Variants in KIRREL3 observed in about 807,000 individuals in gnomAD.
KIRREL3 encodes the protein kin of IRRE-like protein 3.
KIRREL3 carries 36 observed loss-of-function variants against 89.7 expected under a neutral mutation model. The observed-to-expected ratio is 0.40, with a 90% CI of 0.31 to 0.53. KIRREL3 has a LOEUF of 0.53. Among genes scored for constraint, KIRREL3 ranks in the 20% least tolerant of loss-of-function variants. The pLI is 0.49. For synonymous variants in KIRREL3, 445 were observed against 441.4 expected (o/e 1.01, Z -0.10); for missense variants, 864 against 1,056.6 (o/e 0.82, Z 2.53).
chr11:126,857,442 C>T (rs1468079583), intron 1 of KIRREL3, among the ~76,000 whole-genome samples: 1 of 152,212 alleles, frequency 6.6e-6, no homozygotes, highest in Non-Finnish European at 1.5e-5. Flanking sequence ...CTATATGTTA[C>T]ATCCTAGAGC....
At chr11:126,503,964 C>T (rs567254259) in intron 4 of KIRREL3, among the ~76,000 whole-genome samples, 1 of 152,254 alleles carries the variant, frequency 6.6e-6, no homozygotes, top group South Asian at 2.1e-4. Flanking sequence ...TTAAGCCACC[C>T]AGTCTATAGT....
In KIRREL3 at chr11:126,719,347, G is replaced by A. The variant is rs1948085246; in HGVS notation, c.56-156435C>T. Among the ~76,000 whole-genome samples, 1 of 152,102 alleles carries A rather than the reference G, an allele frequency of 6.6e-6. No individual in the cohort carries two copies. The highest frequency in any genetic ancestry group is 2.4e-5 in the African/African-American group (1 of 41,428). ...GCCTCTGGGAGAGCAGTCTCTTACG[G>A]GTCTACTCTTACTCACAGCTACTCC... On this transcript the variant is annotated intron_variant, in intron 1 of 16. Transcript: ENST00000525144. This position sits in a 1 kb window ranked among gnomAD's most constrained non-coding sequence, Gnocchi z 4.7.
Position 126,496,082 on chromosome 11 carries a change from G to A in KIRREL3, c.434-22616C>T, listed in dbSNP as rs1430907231. Among the ~76,000 whole-genome samples, 3 of 152,182 alleles carry A rather than the reference G, an allele frequency of 2.0e-5. No individual in the cohort carries two copies. The highest frequency in any genetic ancestry group is 2.1e-4 in the South Asian group (1 of 4,828). Reference sequence around the variant, plus strand: ...GATTGCAGAGATCCAGAACCATTCAGCTAAGCCAGGCTCAGTTTCTTGACC... The same window carrying A: ...GATTGCAGAGATCCAGAACCATTCAACTAAGCCAGGCTCAGTTTCTTGACC... On this transcript the variant is annotated intron_variant, in intron 4 of 16. Coordinates refer to ENST00000525144, the MANE Select transcript of KIRREL3 (RefSeq NM_032531.4). This position sits in a 1 kb window ranked among gnomAD's most constrained non-coding sequence, Gnocchi z 4.9.
rs1950535974 is a variant in KIRREL3 at position 126,788,151 on chromosome 11, C to A, written c.55+212304G>T. ...TCTAAAATCTGCTAGACATTGTGTG[C>A]AAAAAGAGTGGGTGATGGAGTTGGG... is the stretch of plus-strand genomic sequence containing the variant. On this transcript the variant is annotated intron_variant, in intron 1 of 16. Coordinates refer to ENST00000525144, the MANE Select transcript of KIRREL3 (RefSeq NM_032531.4). This position sits in a 1 kb window ranked among gnomAD's most constrained non-coding sequence, Gnocchi z 4.1. 6.6e-6 allele frequency among the ~76,000 whole-genome samples: 1 copy of A among 152,140 alleles called. No homozygotes were observed. The highest frequency in any genetic ancestry group is 2.4e-5 in the African/African-American group (1 of 41,438).
At chr11:126,502,468 C>T (rs1957892552) in intron 4 of KIRREL3, among the ~76,000 whole-genome samples, 1 of 152,220 alleles carries the variant, frequency 6.6e-6, no homozygotes, top group Non-Finnish European at 1.5e-5. Context: ...TCAATTAAGC[C>T]CTGGTTCACA....
At position 126,747,938 on chromosome 11, in the gene KIRREL3, C is replaced by A. The variant is rs538576298; in HGVS notation, c.56-185026G>T. ...TTCCCTATCCCACAGGGTCTAGATG[C>A]GGCCTTCCCAGGTGACTTTCTGCTC... is the stretch of plus-strand genomic sequence containing the variant. On this transcript the variant is annotated intron_variant, in intron 1 of 16. Transcript: ENST00000525144. This position sits in a 1 kb window ranked among gnomAD's most constrained non-coding sequence, Gnocchi z 4.7. Among the ~76,000 whole-genome samples, 1 of 152,144 alleles carries A rather than the reference C, an allele frequency of 6.6e-6. No individual in the cohort carries two copies. The highest frequency in any genetic ancestry group is 1.5e-5 in the Non-Finnish European group (1 of 68,026).
rs563605575 is a variant in KIRREL3 at position 126,454,389 on chromosome 11, G to A, written c.848+1960C>T. ...CAGGTGACCAGAGCCTGGCAGTGAG[G>A]AGAAACGAAAGTCGAAAGTTGTGTG... On this transcript the variant is annotated intron_variant, in intron 7 of 16. Coordinates refer to ENST00000525144, the MANE Select transcript of KIRREL3 (RefSeq NM_032531.4). This position sits in a 1 kb window ranked among gnomAD's most constrained non-coding sequence, Gnocchi z 5.8. Among the ~76,000 whole-genome samples the A allele has an allele frequency of 3.3e-5, 5 of 152,144 alleles. No individual in the cohort carries two copies. The highest frequency in any genetic ancestry group is 1.2e-4 in the African/African-American group (5 of 41,422).
In KIRREL3 at chr11:126,879,696, A is replaced by G. The variant is rs999019999; in HGVS notation, c.55+120759T>C. Among the ~76,000 whole-genome samples the G allele has an allele frequency of 1.3e-5, 2 of 152,216 alleles. No individual in the cohort carries two copies. Among genetic ancestry groups the G allele is most frequent in the African/African-American group, 4.8e-5 (2 of 41,460 alleles). ...GAGATAGCCTTGATATTTGTGGTTC[A>G]GTCATTTAACCTTTGCACATTTCTG... On this transcript the variant is annotated intron_variant, in intron 1 of 16. Transcript: ENST00000525144. The surrounding 1 kb of genome is among the most constrained non-coding windows in gnomAD (Gnocchi z 5.4).
chr11:126,780,480 A>G lies in KIRREL3; in HGVS notation c.56-217568T>C, dbSNP rs1950295736. The stretch of plus-strand genomic sequence containing the variant: ...GAACATATGCTGGGATCAGAATGAC[A>G]GAGAATAAATCACCAGATTTGCTTG... On this transcript the variant is annotated intron_variant, in intron 1 of 16. Coordinates refer to ENST00000525144, the MANE Select transcript of KIRREL3 (RefSeq NM_032531.4). The surrounding 1 kb of genome is among the most constrained non-coding windows in gnomAD (Gnocchi z 5.3). 6.6e-6 allele frequency among the ~76,000 whole-genome samples: 1 copy of G among 152,246 alleles called. No homozygotes were observed. The highest frequency in any genetic ancestry group is 6.5e-5 in the Admixed American group (1 of 15,290).
In KIRREL3 at chr11:126,508,905, C is replaced by G. The variant is rs1287760187; in HGVS notation, c.433+12410G>C. 6.6e-6 allele frequency among the ~76,000 whole-genome samples: 1 copy of G among 152,152 alleles called. No individual in the cohort carries two copies. Among genetic ancestry groups the G allele is most frequent in the Admixed American group, 6.5e-5 (1 of 15,278 alleles). On this transcript the variant is annotated intron_variant, in intron 4 of 16. Coordinates refer to ENST00000525144, the MANE Select transcript of KIRREL3 (RefSeq NM_032531.4). This position sits in a 1 kb window ranked among gnomAD's most constrained non-coding sequence, Gnocchi z 4.9. ...GCAGCTCACCAGCGTCACCCTTGCCCTTCTCTCTTCTCTCCACTCGAGCAA... is the reference window on the plus strand; with the variant it reads ...GCAGCTCACCAGCGTCACCCTTGCCGTTCTCTCTTCTCTCCACTCGAGCAA...
At chr11:126,500,835 ACT>A (rs1957833999) in intron 4 of KIRREL3, among the ~76,000 whole-genome samples, 1 of 152,090 alleles carries the variant, frequency 6.6e-6, no homozygotes, top group African/African-American at 2.4e-5. Context: ...CATACTCATA[ACT>A]CTGTTAACCA....
At position 126,763,233 on chromosome 11, in the gene KIRREL3, C is replaced by T. The variant is rs1448528730; in HGVS notation, c.56-200321G>A. The stretch of plus-strand genomic sequence containing the variant: ...AGCAAAATGAGGGGGCTAGATGAGA[C>T]GATTTCTGGAACATCTCCCAATGTC... On this transcript the variant is annotated intron_variant, in intron 1 of 16. Transcript: ENST00000525144. The surrounding 1 kb of genome is among the most constrained non-coding windows in gnomAD (Gnocchi z 4.7). Among the ~76,000 whole-genome samples the T allele has an allele frequency of 2.0e-5, 3 of 152,284 alleles. No individual in the cohort carries two copies. Among genetic ancestry groups the T allele is most frequent in the South Asian group, 2.1e-4 (1 of 4,820 alleles).
rs1797772544 is a variant in KIRREL3 at position 126,906,393 on chromosome 11, G to A, written c.55+94062C>T. On this transcript the variant is annotated intron_variant, in intron 1 of 16. Coordinates refer to ENST00000525144, the MANE Select transcript of KIRREL3 (RefSeq NM_032531.4). The surrounding 1 kb of genome is among the most constrained non-coding windows in gnomAD (Gnocchi z 4.1). ...TGGAATGATCAGTCTTATCAAAAGA[G>A]GGAAACTGAGGCTTAAGGAACGGAA... Among the ~76,000 whole-genome samples the A allele has an allele frequency of 6.6e-6, 1 of 152,186 alleles. No homozygotes were observed. The highest frequency in any genetic ancestry group is 2.4e-5 in the African/African-American group (1 of 41,456).
At position 126,430,888 on chromosome 11, in the gene KIRREL3, C is replaced by G. The variant is rs1054324915; in HGVS notation, c.1696+531G>C. On this transcript the variant is annotated intron_variant, in intron 14 of 16. Coordinates refer to ENST00000525144, the MANE Select transcript of KIRREL3 (RefSeq NM_032531.4). The surrounding 1 kb of genome is among the most constrained non-coding windows in gnomAD (Gnocchi z 6.6). ...CGTTATCTCCTCGGTGCACGCAATT[C>G]TTCAAGCGTGCACAAACACTAGAAT... 59 of 776,972 alleles carry G rather than the reference C, an allele frequency of 7.6e-5. No homozygotes were observed. The highest frequency in any genetic ancestry group is 7.3e-4 in the African/African-American group (39 of 53,270). 48.1% of individuals were successfully genotyped at this position (776,972 alleles called of 1,614,324 possible).
rs987608923 is a variant in KIRREL3, at chr11:126,805,925, G to A, written c.55+194530C>T. 2.6e-5 allele frequency among the ~76,000 whole-genome samples: 4 copies of A among 152,112 alleles called. No homozygotes were observed. Among genetic ancestry groups the A allele is most frequent in the Non-Finnish European group, 5.9e-5 (4 of 68,022 alleles). Reference sequence around the variant, plus strand: ...CCATCCCCTCCACCTTCTCCGTGCGGCCTCTCCCTTGGCTGTCCTCTGAAT... The same window carrying A: ...CCATCCCCTCCACCTTCTCCGTGCGACCTCTCCCTTGGCTGTCCTCTGAAT... On this transcript the variant is annotated intron_variant, in intron 1 of 16. Coordinates refer to ENST00000525144, the MANE Select transcript of KIRREL3 (RefSeq NM_032531.4). This position sits in a 1 kb window ranked among gnomAD's most constrained non-coding sequence, Gnocchi z 4.3.
At position 126,776,315 on chromosome 11, in the gene KIRREL3, A is replaced by G. The variant is rs1950167467; in HGVS notation, c.56-213403T>C. ...TTCCGGTGGAGTTTGCTGAAGTGCCATGGAGGGAACACTAGCCTGAGAGTC... is the reference window on the plus strand; with the variant it reads ...TTCCGGTGGAGTTTGCTGAAGTGCCGTGGAGGGAACACTAGCCTGAGAGTC... On this transcript the variant is annotated intron_variant, in intron 1 of 16. Coordinates refer to ENST00000525144, the MANE Select transcript of KIRREL3 (RefSeq NM_032531.4). The surrounding 1 kb of genome is among the most constrained non-coding windows in gnomAD (Gnocchi z 4.7). Among the ~76,000 whole-genome samples the G allele has an allele frequency of 6.6e-6, 1 of 152,184 alleles. No individual in the cohort carries two copies. The highest frequency in any genetic ancestry group is 1.5e-5 in the Non-Finnish European group (1 of 68,036).
chr11:126,646,407 T>C (rs1202007340), intron 1 of KIRREL3, among the ~76,000 whole-genome samples: 1 of 152,160 alleles, frequency 6.6e-6, no homozygotes, highest in African/African-American at 2.4e-5. Flanking sequence ...ATCCAATTGA[T>C]TTAAAACTCT....
In KIRREL3 at chr11:126,985,699, T is replaced by C. The variant is rs544929658; in HGVS notation, c.55+14756A>G. 1.2e-3 allele frequency among the ~76,000 whole-genome samples: 177 copies of C among 152,242 alleles called. No homozygotes were observed. The highest frequency in any genetic ancestry group is 5.4e-3 in the South Asian group (26 of 4,822). ...ATATGAGAGGGTGGGGAGACTTTCA[T>C]TCTGAGACTCTTTGTCCTGAAGGTG... On this transcript the variant is annotated intron_variant, in intron 1 of 16. Coordinates refer to ENST00000525144, the MANE Select transcript of KIRREL3 (RefSeq NM_032531.4). This position sits in a 1 kb window ranked among gnomAD's most constrained non-coding sequence, Gnocchi z 5.3.
intron 1 of KIRREL3, among the ~76,000 whole-genome samples, chr11:126,649,460 AGG>A (rs1466136275): frequency 1.3e-5 from 2 of 152,206 alleles, no homozygotes; most frequent in Admixed American, 1.3e-4. Context: ...AGATAAAATG[AGG>A]GTACAGGTAT....
Sources: allele counts gnomAD v4.1 joint callset (sites outside exome capture counted in the v4.1 genomes callset), GRCh38; gene constraint gnomAD v4.1.1; non-coding constraint Gnocchi (gnomAD v3.1); transcripts MANE v1.5; gene names NCBI Gene and HGNC (gene_info 2026-07-23, HGNC 2026-07-21).